Variants in C10orf90 observed in about 807,000 individuals in gnomAD.
The protein encoded by C10orf90 is chromosome 10 open reading frame 90, also known as (E2-independent) E3 ubiquitin-conjugating enzyme FATS.
In C10orf90, 56 loss-of-function variants were observed where a neutral mutation model predicts 62.5. The observed-to-expected ratio is 0.90, with a 90% CI of 0.72 to 1.12. The LOEUF (loss-of-function observed/expected upper bound fraction) is 1.12. Among genes scored for constraint, C10orf90 ranks in the 50% most tolerant of loss-of-function variants. C10orf90 has a pLI of 0.00. For missense variants in C10orf90, 970 were observed against 880.4 expected, an observed-to-expected ratio of 1.10 and a Z score of -1.29; for synonymous variants, 386 against 340.4, an observed-to-expected ratio of 1.13 and a Z score of -1.47.
intron 2 of C10orf90, among the ~76,000 whole-genome samples, chr10:126,620,453 T>G (rs1845623363): frequency 6.6e-6 from 1 of 150,462 alleles, no homozygotes; most frequent in African/African-American, 2.5e-5. Context: ...CTTAATCAAT[T>G]TTTTAAAATA....
At chr10:126,650,533 C>G (rs1199754682) in intron 1 of C10orf90, among the ~76,000 whole-genome samples, 1 of 152,028 alleles carries the variant, frequency 6.6e-6, no homozygotes, top group South Asian at 2.1e-4. Flanking sequence ...AGTAACTTGC[C>G]CAAAGTCACA....
chr10:126,535,171 A>G lies in C10orf90; in HGVS notation c.314-21232T>C, dbSNP rs866839522. On this transcript the variant is annotated intron_variant, in intron 2 of 9. Coordinates refer to ENST00000488181, the MANE Select transcript of C10orf90 (RefSeq NM_001350921.2). ...CATATATATACATATATGTGTGTGT[A>G]TGTTTAGAGAGAGAGAGAGATTCAC... Among the ~76,000 whole-genome samples, 128 of 151,388 alleles carry G rather than the reference A, an allele frequency of 8.5e-4. 1 individual carries two copies. The Middle Eastern group carries it at 0.024, about 28-fold the overall frequency.
intron 4 of C10orf90, among the ~76,000 whole-genome samples, chr10:126,471,655 T>C (rs549913055): frequency 6.6e-6 from 1 of 152,314 alleles, no homozygotes; most frequent in South Asian, 2.1e-4. Flanking sequence ...TGTTCTAGTG[T>C]CAAGTTTCAA....
At chr10:126,574,922 T>C (rs993510548) in intron 2 of C10orf90, among the ~76,000 whole-genome samples, 5 of 152,106 alleles carry the variant, frequency 3.3e-5, no homozygotes, top group Admixed American at 6.5e-5. Context: ...TGGTAGAATA[T>C]TGAAAGCTTT....
At chr10:126,570,317 G>C (rs1248962056) in intron 2 of C10orf90, among the ~76,000 whole-genome samples, 1 of 152,174 alleles carries the variant, frequency 6.6e-6, no homozygotes, top group Admixed American at 6.5e-5. Context: ...TGGACTTTAC[G>C]CACTGCCTAA....
At chr10:126,629,566 A>G (rs1002030543) in intron 2 of C10orf90, among the ~76,000 whole-genome samples, 1 of 152,236 alleles carries the variant, frequency 6.6e-6, no homozygotes, top group Non-Finnish European at 1.5e-5. Flanking sequence ...GAAGGGATCT[A>G]TTCTTTATGC....
intron 2 of C10orf90, among the ~76,000 whole-genome samples, chr10:126,539,451 A>C (rs1864324077): frequency 6.6e-6 from 1 of 152,190 alleles, no homozygotes. Context: ...TGAAGCTTTC[A>C]TATCAAAGAA....
intron 3 of C10orf90, among the ~76,000 whole-genome samples, chr10:126,507,042 T>C (rs1032209832): frequency 6.6e-6 from 1 of 151,838 alleles, no homozygotes; most frequent in Non-Finnish European, 1.5e-5. Context: ...CTCCATCACA[T>C]TATATGTGGG....
At chr10:126,503,914 C>T (rs376896345) in intron 4 of C10orf90, 43 bp downstream of exon 4, 9 of 1,562,192 alleles carry the variant, frequency 5.8e-6, no homozygotes, top group Non-Finnish European at 7.8e-6. Flanking sequence ...CTTGCTAGGA[C>T]ATTTACTCAG....
Position 126,426,017 on chromosome 10 carries a change from T to C in C10orf90, c.2326A>G (p.Arg776Gly), listed in dbSNP as rs1211510082. The C allele has an allele frequency of 1.2e-6, 2 of 1,614,114 alleles. No homozygotes were observed. The highest frequency in any genetic ancestry group is 2.2e-5 in the East Asian group (1 of 44,888). ...QRKRVILQSN[R>G]LRAEVFKKQL... ...TTTTTGAAGACTTCGGCACGGAGTC[T>C]GTTACTTTGTAAGATCACCCTTTTC... Residue 776 changes from arginine (R) to glycine (G), a missense_variant, in exon 9 of 10, where the codon AGA becomes GGA. By Grantham distance (125) the Arg-to-Gly change is moderately radical (BLOSUM62 -2). Coordinates refer to ENST00000488181, the MANE Select transcript of C10orf90 (RefSeq NM_001350921.2).
intron 2 of C10orf90, among the ~76,000 whole-genome samples, chr10:126,525,110 A>T (rs1235933515): frequency 6.6e-6 from 1 of 152,192 alleles, no homozygotes; most frequent in Non-Finnish European, 1.5e-5. Context: ...CAGGGTCCCA[A>T]TTACCAGACC....
At chr10:126,522,560 TG>T (rs1591065783) in intron 2 of C10orf90, among the ~76,000 whole-genome samples, 1 of 152,242 alleles carries the variant, frequency 6.6e-6, no homozygotes, top group Non-Finnish European at 1.5e-5. Context: ...GTCTCCGTCA[TG>T]TCATAATGGC....
chr10:126,602,807 A>T (rs1845224908), intron 2 of C10orf90, among the ~76,000 whole-genome samples: 1 of 149,786 alleles, frequency 6.7e-6, no homozygotes, highest in Non-Finnish European at 1.5e-5. Context: ...AATAATGGAG[A>T]ATCTTACAAT....
intron 2 of C10orf90, among the ~76,000 whole-genome samples, chr10:126,635,326 A>C (rs189535090): frequency 1.3e-5 from 2 of 152,210 alleles, no homozygotes; most frequent in East Asian, 3.9e-4. Flanking sequence ...CAGAGCACAC[A>C]TCTACCACCT....
chr10:126,651,840 A>G (rs945280361), intron 1 of C10orf90, among the ~76,000 whole-genome samples: 1 of 152,222 alleles, frequency 6.6e-6, no homozygotes, highest in African/African-American at 2.4e-5. Flanking sequence ...TAAGATAAAG[A>G]TAGACATTAT....
chr10:126,507,329 C>T (rs550215159), intron 3 of C10orf90, among the ~76,000 whole-genome samples: 27 of 142,022 alleles, frequency 1.9e-4, no homozygotes, highest in African/African-American at 7.4e-4. Flanking sequence ...TGCACTCCAG[C>T]CTGGGTGACA....
At chr10:126,657,834 T>C (rs866510015) in intron 1 of C10orf90, among the ~76,000 whole-genome samples, 4 of 152,280 alleles carry the variant, frequency 2.6e-5, no homozygotes, top group African/African-American at 4.8e-5. Context: ...CAGGCTGGTC[T>C]TGAACTCCCA....
At chr10:126,502,287 G>A (rs2133878303) in intron 4 of C10orf90, among the ~76,000 whole-genome samples, 1 of 152,340 alleles carries the variant, frequency 6.6e-6, no homozygotes, top group East Asian at 1.9e-4. Context: ...CTCCCCTGGT[G>A]TCTGTGACTA....
At chr10:126,526,632 G>A (rs1023618487) in intron 2 of C10orf90, among the ~76,000 whole-genome samples, 3 of 152,042 alleles carry the variant, frequency 2.0e-5, no homozygotes, top group Admixed American at 6.6e-5. Context: ...CGTGGTTTTT[G>A]TATATTCACC....
Sources: allele counts gnomAD v4.1 joint callset (sites outside exome capture counted in the v4.1 genomes callset), GRCh38; gene constraint gnomAD v4.1.1; transcripts MANE v1.5; gene names NCBI Gene and HGNC (gene_info 2026-07-23, HGNC 2026-07-21).